Variants in ZFHX3 observed in about 807,000 individuals in gnomAD.
ZFHX3 encodes zinc finger homeobox 3, also known as zinc finger homeobox protein 3.
ZFHX3 carries 42 observed loss-of-function variants against 279.1 expected under a neutral mutation model. The observed-to-expected ratio is 0.15, with a 90% CI of 0.12 to 0.19. ZFHX3 has a LOEUF of 0.19. ZFHX3 is among the 10% of genes least tolerant of loss of function. The probability of loss-of-function intolerance (pLI) is 1.00; values close to 1 mark genes in which losing one functional copy is unlikely to be tolerated. For missense variants in ZFHX3, 4,981 were observed against 4,754.0 expected (o/e 1.05, Z -1.40); for synonymous variants, 2,293 against 1,957.8 (o/e 1.17, Z -4.52).
At chr16:73,394,560 G>T (rs1045969017) in intron 3 of ZFHX3, among the ~76,000 whole-genome samples, 9 of 152,094 alleles carry the variant, frequency 5.9e-5, no homozygotes, top group Non-Finnish European at 8.8e-5. Flanking sequence ...GCCTCCCAAA[G>T]TGCTGGGATT....
chr16:73,135,320 A>G (rs1414867631), intron 6 of ZFHX3, among the ~76,000 whole-genome samples: 2 of 152,212 alleles, frequency 1.3e-5, no homozygotes, highest in Admixed American at 6.5e-5. Flanking sequence ...CAATATGTAC[A>G]AAGAGAATCA....
intron 3 of ZFHX3, among the ~76,000 whole-genome samples, chr16:73,404,429 G>A (rs991877011): frequency 9.9e-5 from 15 of 152,038 alleles, no homozygotes; most frequent in Admixed American, 5.2e-4. Context: ...AGGAAAACTC[G>A]TAGGACCTCC....
At chr16:73,402,533 G>C (rs2017277250) in intron 3 of ZFHX3, 2 of 152,166 alleles carry the variant, frequency 1.3e-5, no homozygotes, top group African/African-American at 2.4e-5. Flanking sequence ...TACTTAACTT[G>C]TTGAGAATCC....
intron 1 of ZFHX3, among the ~76,000 whole-genome samples, chr16:73,771,402 T>G (rs567504075): frequency 6.6e-6 from 1 of 152,252 alleles, no homozygotes; most frequent in South Asian, 2.1e-4. Flanking sequence ...AAAACAAGCA[T>G]GCAGATGAGG....
chr16:73,853,815 C>T (rs936795250), intron 1 of ZFHX3, among the ~76,000 whole-genome samples: 5 of 151,950 alleles, frequency 3.3e-5, no homozygotes, highest in African/African-American at 4.8e-5. Context: ...GCACACATAC[C>T]CCCTAAATCT....
chr16:73,190,051 G>A lies in ZFHX3; in HGVS notation c.-1103-46220C>T, dbSNP rs569121817. ...TCTTGAAAGAAGCCAAGTGCTCAGC[G>A]TCAGTGGTGAGCCTCCCTAGGAAGA... is the stretch of plus-strand genomic sequence containing the variant. On this transcript the variant is annotated intron_variant, in intron 5 of 17. Coordinates refer to the ZFHX3 transcript ENST00000641206. Among the ~76,000 whole-genome samples, 32 of 152,332 alleles carry A rather than the reference G, an allele frequency of 2.1e-4. 1 individual carries two copies. In the South Asian group the frequency reaches 5.8e-3, roughly 28 times the overall value.
intron 2 of ZFHX3, among the ~76,000 whole-genome samples, chr16:73,568,247 C>G (rs116729565): frequency 8.0e-4 from 118 of 148,062 alleles, no homozygotes; most frequent in African/African-American, 2.9e-3. Flanking sequence ...GTGAGAAAAC[C>G]CAAAGCGTGG....
At chr16:73,646,219 AAGT>A (rs1376356530) in intron 2 of ZFHX3, among the ~76,000 whole-genome samples, 7 of 152,210 alleles carry the variant, frequency 4.6e-5, no homozygotes, top group Admixed American at 1.3e-4. Context: ...AGATTAAAGA[AAGT>A]AGGATGTGTC....
chr16:73,548,973 C>A (rs2020164102), intron 2 of ZFHX3, among the ~76,000 whole-genome samples: 1 of 152,058 alleles, frequency 6.6e-6, no homozygotes, highest in Non-Finnish European at 1.5e-5. Context: ...TGAAAACAGG[C>A]ATTTGTTTTT....
At chr16:72,982,421 G>A (rs1030916657) in intron 1 of ZFHX3, among the ~76,000 whole-genome samples, 1 of 152,128 alleles carries the variant, frequency 6.6e-6, no homozygotes, top group African/African-American at 2.4e-5. Flanking sequence ...TTTCCTTAAA[G>A]AGAATCACCA....
intron 1 of ZFHX3, among the ~76,000 whole-genome samples, chr16:73,007,457 G>GT (rs369269982): frequency 2.0e-5 from 3 of 151,844 alleles, no homozygotes; most frequent in African/African-American, 4.8e-5. Flanking sequence ...TTTTGTTTTT[G>GT]TTTTTTTGAG....
chr16:73,181,287 G>T (rs1019999007), intron 5 of ZFHX3, among the ~76,000 whole-genome samples: 1 of 151,906 alleles, frequency 6.6e-6, no homozygotes, highest in Non-Finnish European at 1.5e-5. Context: ...TTTTAGTAGA[G>T]ATAAGGTTTC....
chr16:73,778,909 T>G (rs1399363564), intron 1 of ZFHX3, among the ~76,000 whole-genome samples: 1 of 152,244 alleles, frequency 6.6e-6, no homozygotes, highest in African/African-American at 2.4e-5. Flanking sequence ...ATTGTTCTTC[T>G]GTGGAATATT....
intron 2 of ZFHX3, among the ~76,000 whole-genome samples, chr16:73,563,169 GTTGT>G (rs1383393531): frequency 3.7e-5 from 4 of 108,912 alleles, no homozygotes; most frequent in Admixed American, 1.9e-4. Context: ...TTTTTGTTTT[GTTGT>G]GTGTGTGTGT....
chr16:73,289,081 A>G (rs2014704589), intron 4 of ZFHX3, among the ~76,000 whole-genome samples: 1 of 151,204 alleles, frequency 6.6e-6, no homozygotes, highest in Non-Finnish European at 1.5e-5. Flanking sequence ...AGGAAAGCAG[A>G]AAGTGTATGA....
chr16:72,799,788 C>G (rs534643067), intron 8 of ZFHX3, among the ~76,000 whole-genome samples: 1 of 152,328 alleles, frequency 6.6e-6, no homozygotes, highest in African/African-American at 2.4e-5. Context: ...ATGTGTGTGT[C>G]TGTGCCAGAA....
In ZFHX3 at chr16:73,366,639, T is replaced by C. The variant is rs556947952; in HGVS notation, c.-1290-48303A>G. On this transcript the variant is annotated intron_variant, in intron 3 of 17. Coordinates refer to the ZFHX3 transcript ENST00000641206. Reference sequence around the variant, plus strand: ...AGAGAGAGACAGATAAGCAACTCCATGGAGCAATGGTTCCAGAGTAGCCCA... The same window carrying C: ...AGAGAGAGACAGATAAGCAACTCCACGGAGCAATGGTTCCAGAGTAGCCCA... 8.7e-5 allele frequency among the ~76,000 whole-genome samples: 13 copies of C among 150,038 alleles called. No individual in the cohort carries two copies. The East Asian group carries it at 2.4e-3, about 27-fold the overall frequency.
intron 7 of ZFHX3, among the ~76,000 whole-genome samples, chr16:73,103,991 C>T (rs1161922509): frequency 2.6e-5 from 4 of 152,210 alleles, no homozygotes; most frequent in East Asian, 1.9e-4. Flanking sequence ...CCCAGTCTCA[C>T]GGCTTTGCAT....
chr16:73,816,894 G>A (rs1365270127), intron 1 of ZFHX3, among the ~76,000 whole-genome samples: 1 of 152,196 alleles, frequency 6.6e-6, no homozygotes, highest in Non-Finnish European at 1.5e-5. Flanking sequence ...TCTGAGGAGA[G>A]AGTTGACAAA....
Sources: allele counts gnomAD v4.1 joint callset (sites outside exome capture counted in the v4.1 genomes callset), GRCh38; gene constraint gnomAD v4.1.1; transcripts MANE v1.5; gene names NCBI Gene and HGNC (gene_info 2026-07-23, HGNC 2026-07-21).